The following GDPD1 variants were observed in gnomAD, a reference collection of about 807,000 sequenced individuals.
GDPD1 encodes glycerophosphodiester phosphodiesterase domain containing 1, also known as lysophospholipase D GDPD1.
A neutral mutation model predicts 45.1 loss-of-function variants in GDPD1; 28 were observed. That is an observed-to-expected ratio of 0.62 (90% CI 0.46 to 0.85). The LOEUF is 0.85. Ranked by LOEUF, GDPD1 falls within the 40% of genes least tolerant of loss-of-function variation. The pLI is 0.00. For synonymous variants in GDPD1, 139 were observed against 131.4 expected (o/e 1.06, Z -0.40); for missense variants, 256 against 364.8 (o/e 0.70, Z 2.43).
intron 2 of GDPD1, among the ~76,000 whole-genome samples, chr17:59,235,029 TAA>T (rs1002755311): frequency 2.6e-5 from 4 of 151,926 alleles, no homozygotes; most frequent in Non-Finnish European, 5.9e-5. Context: ...TAATTTCATA[TAA>T]GTGTCTTTTA....
At chr17:59,233,477 A>G (rs1307766292) in intron 1 of GDPD1, among the ~76,000 whole-genome samples, 2 of 145,346 alleles carry the variant, frequency 1.4e-5, no homozygotes, top group African/African-American at 5.2e-5. Flanking sequence ...GTGCCACTGC[A>G]CTCCAGCCTG....
chr17:59,273,959 G>A lies in GDPD1; in HGVS notation c.*186G>A. 1.3e-6 allele frequency: 1 copy of A among 750,460 alleles called. No homozygotes were observed. The highest frequency in any genetic ancestry group is 1.6e-6 in the Non-Finnish European group (1 of 608,598). The allele number at this position is 750,460 out of a possible 1,614,324, so 46.5% of individuals were successfully genotyped here. On this transcript the variant is annotated 3_prime_UTR_variant, in exon 10 of 10. Coordinates refer to ENST00000284116, the MANE Select transcript of GDPD1 (RefSeq NM_182569.4). ...ATGTATATTTATTTTAAATAATATT[G>A]TATATTTTATGTTTGTAAATTGTTT...
At chr17:59,223,371 A>C (rs568035590) in intron 1 of GDPD1, among the ~76,000 whole-genome samples, 4 of 152,334 alleles carry the variant, frequency 2.6e-5, no homozygotes, top group Non-Finnish European at 5.9e-5. Flanking sequence ...AGTGCTTCAT[A>C]TGCTTTTGTT....
At chr17:59,262,306 C>T (rs1251498728) in intron 6 of GDPD1, among the ~76,000 whole-genome samples, 4 of 152,090 alleles carry the variant, frequency 2.6e-5, no homozygotes, top group Non-Finnish European at 5.9e-5. Context: ...TTTATAGCAA[C>T]TTTATTCATC....
At chr17:59,231,572 C>T (rs996906394) in intron 1 of GDPD1, among the ~76,000 whole-genome samples, 5 of 151,930 alleles carry the variant, frequency 3.3e-5, no homozygotes, top group Admixed American at 2.0e-4. Flanking sequence ...ATGATCCACC[C>T]GCCTTGGCCT....
intron 7 of GDPD1, among the ~76,000 whole-genome samples, chr17:59,268,007 C>A (rs904969323): frequency 6.6e-6 from 1 of 152,084 alleles, no homozygotes; most frequent in Admixed American, 6.5e-5. Flanking sequence ...ACTAGAAAAG[C>A]CTTGCATTTC....
intron 6 of GDPD1, among the ~76,000 whole-genome samples, chr17:59,266,510 A>G (rs2031126683): frequency 6.6e-6 from 1 of 152,116 alleles, no homozygotes; most frequent in Admixed American, 6.6e-5. Context: ...ATATTTTCCA[A>G]TAGAAACTTA....
At chr17:59,230,370 A>AT (rs942416287) in intron 1 of GDPD1, among the ~76,000 whole-genome samples, 2,400 of 80,058 alleles carry the variant, frequency 0.03, 385 homozygotes, top group African/African-American at 0.086. Flanking sequence ...CAGTTGTAGA[A>AT]TTTTTTTTTT....
At chr17:59,268,848 C>A (rs2047421697) in intron 7 of GDPD1, among the ~76,000 whole-genome samples, 1 of 152,062 alleles carries the variant, frequency 6.6e-6, no homozygotes, top group Admixed American at 6.6e-5. Flanking sequence ...TTGAGACCAG[C>A]CTGGCCAACA....
At chr17:59,250,677 A>G (rs1447664708) in intron 4 of GDPD1, among the ~76,000 whole-genome samples, 1 of 150,416 alleles carries the variant, frequency 6.6e-6, no homozygotes, top group South Asian at 2.1e-4. Context: ...CTGGGTTTGT[A>G]TGTCCCTCAG....
chr17:59,273,605 C>A (rs1248161359), intron 9 of GDPD1, 46 bp from the exon 10 acceptor site: 1 of 1,130,532 alleles, frequency 8.8e-7, no homozygotes, highest in Non-Finnish European at 1.3e-6. Flanking sequence ...AAATAATTTT[C>A]TATTTTAACA....
At chr17:59,266,645 T>C (rs189728147) in intron 6 of GDPD1, among the ~76,000 whole-genome samples, 63 of 152,244 alleles carry the variant, frequency 4.1e-4, no homozygotes, top group African/African-American at 1.4e-3. Context: ...TACTCATATA[T>C]AGAGATATAT....
Position 59,257,117 on chromosome 17 carries a change from C to T in GDPD1, c.368-5C>T. ...AAAATACATTTAAAAATCTTGCTTT[C>T]TCAGCATGCCAGTGTGAAGGAAAAG... On this transcript the variant is annotated splice_region_variant and splice_polypyrimidine_tract_variant and intron_variant, in intron 4 of 9. Transcript: ENST00000284116. 1 of 1,493,074 alleles carries T rather than the reference C, an allele frequency of 6.7e-7. No individual in the cohort carries two copies. The highest frequency in any genetic ancestry group is 9.2e-7 in the Non-Finnish European group (1 of 1,092,248). The allele number at this position is 1,493,074 out of a possible 1,614,324, so 92.5% of individuals were successfully genotyped here.
At chr17:59,268,807 G>A (rs1161637433) in intron 7 of GDPD1, among the ~76,000 whole-genome samples, 3 of 152,068 alleles carry the variant, frequency 2.0e-5, no homozygotes, top group African/African-American at 7.2e-5. Context: ...ATTTTGGGAG[G>A]CCGAGGCAGG....
chr17:59,242,764 A>G (rs1044631980), intron 2 of GDPD1, among the ~76,000 whole-genome samples: 13 of 152,206 alleles, frequency 8.5e-5, no homozygotes, highest in Admixed American at 7.9e-4. Flanking sequence ...AAGTCCTGCT[A>G]ACAGGCTCCC....
chr17:59,251,637 T>C (rs996145030), intron 4 of GDPD1, among the ~76,000 whole-genome samples: 2 of 152,002 alleles, frequency 1.3e-5, no homozygotes, highest in Non-Finnish European at 2.9e-5. Context: ...TCATCTCATG[T>C]CATAATTGAC....
At chr17:59,268,527 G>A (rs12941176) in intron 7 of GDPD1, among the ~76,000 whole-genome samples, 13,411 of 142,064 alleles carry the variant, frequency 0.094, 819 homozygotes, top group South Asian at 0.24. Context: ...TGCAGTGAGC[G>A]GAGATTGCGC....
At chr17:59,267,227 A>G in intron 7 of GDPD1, 53 bp downstream of exon 7, 1 of 1,497,282 alleles carries the variant, frequency 6.7e-7, no homozygotes, top group South Asian at 1.2e-5. Flanking sequence ...AGAAAGACTA[A>G]GATAAAAGCT....
At chr17:59,245,590 C>T (rs202077196) in intron 3 of GDPD1, 41 bp downstream of exon 3, 100 of 1,497,518 alleles carry the variant, frequency 6.7e-5, no homozygotes, top group Non-Finnish European at 7.9e-5. Context: ...TAATAGATGT[C>T]GCGGCCTATA....
Sources: gnomAD v4.1 joint callset for allele counts (sites outside exome capture counted in the v4.1 genomes callset) on GRCh38, gnomAD v4.1.1 for gene constraint, MANE v1.5 for transcripts, NCBI Gene and HGNC (gene_info 2026-07-23, HGNC 2026-07-21) for gene names.